The following C8orf34 variants were observed in gnomAD, a reference collection of about 807,000 sequenced individuals.
C8orf34 encodes uncharacterized protein C8orf34.
C8orf34 carries 65 observed loss-of-function variants against 68.3 expected under a neutral mutation model. That is an observed-to-expected ratio of 0.95 (90% CI 0.78 to 1.17). The LOEUF (loss-of-function observed/expected upper bound fraction) is 1.17. C8orf34 is among the 50% of genes most tolerant of loss of function. C8orf34 has a pLI of 0.00. For missense variants in C8orf34, 664 were observed against 655.4 expected (o/e 1.01, Z -0.14); for synonymous variants, 244 against 241.2 (o/e 1.01, Z -0.11).
chr8:68,536,807 A>C (rs1815496300), intron 7 of C8orf34, among the ~76,000 whole-genome samples: 1 of 152,136 alleles, frequency 6.6e-6, no homozygotes, highest in Admixed American at 6.6e-5. Context: ...CTTAGCCTAT[A>C]ATTATATAAA....
At chr8:68,801,331 C>A (rs773598969) in intron 12 of C8orf34, among the ~76,000 whole-genome samples, 1 of 151,982 alleles carries the variant, frequency 6.6e-6, no homozygotes, top group African/African-American at 2.4e-5. Context: ...ACAGAAGATA[C>A]GGCAATACTA....
intron 8 of C8orf34, among the ~76,000 whole-genome samples, chr8:68,692,025 TGA>T (rs1820699410): frequency 6.6e-6 from 1 of 151,970 alleles, no homozygotes; most frequent in Non-Finnish European, 1.5e-5. Flanking sequence ...ATTAAATATT[TGA>T]GAGGAGGGTT....
intron 8 of C8orf34, among the ~76,000 whole-genome samples, chr8:68,705,116 G>A (rs185326927): frequency 1.4e-4 from 21 of 152,222 alleles, no homozygotes; most frequent in Admixed American, 2.6e-4. Context: ...AGAGTGATTC[G>A]GAAGATGAGT....
At chr8:68,488,678 A>G (rs981985583) in intron 5 of C8orf34, among the ~76,000 whole-genome samples, 1 of 152,248 alleles carries the variant, frequency 6.6e-6, no homozygotes, top group Non-Finnish European at 1.5e-5. Flanking sequence ...TACTAAAATT[A>G]GAAAAACTAG....
chr8:68,665,642 C>T (rs887297429), intron 8 of C8orf34, among the ~76,000 whole-genome samples: 7 of 152,174 alleles, frequency 4.6e-5, no homozygotes, highest in African/African-American at 1.7e-4. Flanking sequence ...AACTAGATTC[C>T]AGTCTTGCTT....
chr8:68,702,454 T>C (rs1333598274), intron 8 of C8orf34, among the ~76,000 whole-genome samples: 1 of 152,212 alleles, frequency 6.6e-6, no homozygotes, highest in Admixed American at 6.6e-5. Flanking sequence ...TCTGGATATA[T>C]TGTTTGTTAC....
chr8:68,757,111 C>T (rs754343840), intron 10 of C8orf34, among the ~76,000 whole-genome samples: 2 of 152,144 alleles, frequency 1.3e-5, no homozygotes, highest in African/African-American at 4.8e-5. Flanking sequence ...GTTTTAAAGT[C>T]TTGCTGTGCA....
At chr8:68,621,129 G>T (rs1347565310) in intron 7 of C8orf34, among the ~76,000 whole-genome samples, 1 of 152,178 alleles carries the variant, frequency 6.6e-6, no homozygotes, top group Admixed American at 6.6e-5. Context: ...AGAAGTACAA[G>T]ATGTGTACTC....
At chr8:68,679,367 C>T (rs1188599496) in intron 8 of C8orf34, among the ~76,000 whole-genome samples, 1 of 151,476 alleles carries the variant, frequency 6.6e-6, no homozygotes, top group Non-Finnish European at 1.5e-5. Context: ...TTAACTTAAC[C>T]AAAGAAGTGA....
At chr8:68,550,994 A>G (rs1326279001) in intron 7 of C8orf34, among the ~76,000 whole-genome samples, 1 of 151,208 alleles carries the variant, frequency 6.6e-6, no homozygotes, top group Non-Finnish European at 1.5e-5. Flanking sequence ...GTATAGTTCT[A>G]CTGACATTTT....
intron 12 of C8orf34, among the ~76,000 whole-genome samples, 183 bp from the exon 13 acceptor site, chr8:68,815,702 TG>T (rs1824789929): frequency 6.6e-6 from 1 of 152,180 alleles, no homozygotes; most frequent in Non-Finnish European, 1.5e-5. Context: ...AATAATGGAA[TG>T]AAGATATACA....
At position 68,818,380 on chromosome 8, in the gene C8orf34, T is replaced by C. The variant is rs1824883135; in HGVS notation, c.*134T>C. On this transcript the variant is annotated 3_prime_UTR_variant, in exon 14 of 14. Coordinates refer to ENST00000518698, the MANE Select transcript of C8orf34 (RefSeq NM_052958.4). ...TTTTATAATCTCAATAATAAACAAG[T>C]ACTATCGTAGCCAGGGGGTGCCCAA... 9.7e-7 allele frequency: 1 copy of C among 1,032,824 alleles called. No individual in the cohort carries two copies. Among genetic ancestry groups the C allele is most frequent in the Admixed American group, 2.0e-5 (1 of 49,966 alleles). The allele number at this position is 1,032,824 out of a possible 1,614,324, so 64.0% of individuals were successfully genotyped here.
In C8orf34 at chr8:68,765,825, A is replaced by G. The variant is rs191985000; in HGVS notation, c.1405-10574A>G. 9.2e-5 allele frequency among the ~76,000 whole-genome samples: 14 copies of G among 152,364 alleles called. No homozygotes were observed. In the East Asian group the frequency reaches 1.3e-3, roughly 15 times the overall value. On this transcript the variant is annotated intron_variant, in intron 10 of 13. Transcript: ENST00000518698. The stretch of plus-strand genomic sequence containing the variant: ...AAAAATAGAAATTTAGGCCCCTTCA[A>G]TTAAATATGTTAAGGATTAAAAATA...
intron 8 of C8orf34, among the ~76,000 whole-genome samples, chr8:68,684,196 G>A (rs1820448094): frequency 6.6e-6 from 1 of 152,058 alleles, no homozygotes; most frequent in Admixed American, 6.6e-5. Context: ...AAAATACAGA[G>A]TGTGATGGGG....
intron 8 of C8orf34, among the ~76,000 whole-genome samples, chr8:68,644,070 C>T (rs927488084): frequency 6.6e-6 from 1 of 152,080 alleles, no homozygotes; most frequent in Non-Finnish European, 1.5e-5. Context: ...CTCCCTTTAC[C>T]TTCTAAACAT....
At chr8:68,773,520 C>G (rs1183018682) in intron 10 of C8orf34, among the ~76,000 whole-genome samples, 1 of 152,088 alleles carries the variant, frequency 6.6e-6, no homozygotes, top group Non-Finnish European at 1.5e-5. Flanking sequence ...CCTGCCTCAG[C>G]CTCCCGAGTA....
chr8:68,683,699 A>G (rs569172610), intron 8 of C8orf34, among the ~76,000 whole-genome samples: 2 of 152,278 alleles, frequency 1.3e-5, no homozygotes, highest in East Asian at 3.9e-4. Context: ...ACCTGTACAT[A>G]GTCTTTCCAA....
At chr8:68,346,512 G>C (rs1806290501) in intron 1 of C8orf34, among the ~76,000 whole-genome samples, 1 of 151,852 alleles carries the variant, frequency 6.6e-6, no homozygotes, top group South Asian at 2.1e-4. Flanking sequence ...CATGGGTTTG[G>C]ACAAATATAC....
intron 7 of C8orf34, among the ~76,000 whole-genome samples, chr8:68,559,986 T>C (rs1306108299): frequency 6.6e-6 from 1 of 152,134 alleles, no homozygotes; most frequent in Non-Finnish European, 1.5e-5. Flanking sequence ...GAAGCATTCC[T>C]ACTAGGTGGT....
Sources: allele counts gnomAD v4.1 joint callset (sites outside exome capture counted in the v4.1 genomes callset), GRCh38; gene constraint gnomAD v4.1.1; transcripts MANE v1.5; gene names NCBI Gene and HGNC (gene_info 2026-07-23, HGNC 2026-07-21).